The following VAV3 variants were observed in gnomAD, a reference collection of about 807,000 sequenced individuals.
VAV3 encodes vav guanine nucleotide exchange factor 3, also known as guanine nucleotide exchange factor VAV3.
A neutral mutation model predicts 131.2 loss-of-function variants in VAV3; 94 were observed. The ratio of observed to expected loss-of-function variants is 0.72; its 90% confidence interval spans 0.61 to 0.85. The LOEUF (loss-of-function observed/expected upper bound fraction) is 0.85. Among genes scored for constraint, VAV3 ranks in the 40% least tolerant of loss-of-function variants. VAV3 has a pLI of 0.00. For synonymous variants in VAV3, 349 were observed against 342.0 expected (o/e 1.02, Z -0.22); for missense variants, 939 against 1,002.7 (o/e 0.94, Z 0.86).
chr1:107,763,600 G>A (rs1263920383), intron 9 of VAV3, among the ~76,000 whole-genome samples: 2 of 152,324 alleles, frequency 1.3e-5, no homozygotes, highest in African/African-American at 2.4e-5. Context: ...TCTGCAAAGA[G>A]GAGCAGGAAG....
At position 107,749,458 on chromosome 1, in the gene VAV3, T is replaced by G. The variant is rs752369683; in HGVS notation, c.1392+4A>C. ...ATTACAGTTATTAGTTTCCAAAAAGTCACCTTTTTGTTTTCTTTATCGGTT... is the reference window on the plus strand; with the variant it reads ...ATTACAGTTATTAGTTTCCAAAAAGGCACCTTTTTGTTTTCTTTATCGGTT... On this transcript the variant is annotated splice_donor_region_variant and intron_variant, in intron 14 of 26. Coordinates refer to ENST00000370056, the MANE Select transcript of VAV3 (RefSeq NM_006113.5). The G allele has an allele frequency of 1.3e-6, 2 of 1,585,944 alleles. No homozygotes were observed. Among genetic ancestry groups the G allele is most frequent in the South Asian group, 2.4e-5 (2 of 85,104 alleles).
intron 19 of VAV3, among the ~76,000 whole-genome samples, chr1:107,645,978 A>G (rs1655710887): frequency 6.6e-6 from 1 of 152,058 alleles, no homozygotes; most frequent in South Asian, 2.1e-4. Context: ...AAAAATCTCT[A>G]CGTAACTTCT....
rs527862128 is a variant in VAV3 at position 107,596,433 on chromosome 1, C to T, written c.2221-92G>A. 5.1e-6 allele frequency: 7 copies of T among 1,381,510 alleles called. No homozygotes were observed. In the Admixed American group the frequency reaches 1.5e-4, roughly 30 times the overall value. 85.6% of individuals were successfully genotyped at this position (1,381,510 alleles called of 1,614,324 possible). The stretch of plus-strand genomic sequence containing the variant: ...GAGCACATAAATACAATAAGGATGA[C>T]CAATTTAATGCTAAATTTTCCATAG... On this transcript the variant is annotated intron_variant, in intron 24 of 26. Coordinates refer to ENST00000370056, the MANE Select transcript of VAV3 (RefSeq NM_006113.5).
chr1:107,903,814 A>T (rs1671982030), intron 1 of VAV3, among the ~76,000 whole-genome samples: 1 of 152,166 alleles, frequency 6.6e-6, no homozygotes, highest in Non-Finnish European at 1.5e-5. Flanking sequence ...CATTTGTGTA[A>T]ATAAATTAAT....
At chr1:107,812,637 C>T (rs1052981927) in intron 2 of VAV3, among the ~76,000 whole-genome samples, 7 of 152,234 alleles carry the variant, frequency 4.6e-5, no homozygotes, top group Admixed American at 2.6e-4. Flanking sequence ...TGTTAAATCA[C>T]GTTGCAAAAT....
intron 25 of VAV3, among the ~76,000 whole-genome samples, chr1:107,586,166 G>T (rs1650475168): frequency 6.9e-6 from 1 of 145,236 alleles, no homozygotes; most frequent in Admixed American, 6.9e-5. Context: ...TTCCCAGAGC[G>T]CTCAGTAACG....
In VAV3 at chr1:107,959,271, AAATT is replaced by A. The variant is rs936137011; in HGVS notation, c.204+5391_204+5394del. Among the ~76,000 whole-genome samples the A allele has an allele frequency of 6.1e-4, 77 of 126,144 alleles. No homozygotes were observed. The East Asian group carries it at 9.9e-3, about 16-fold the overall frequency. 82.8% of individuals were successfully genotyped at this position (126,144 alleles called of 152,430 possible). On this transcript the variant is annotated intron_variant, in intron 1 of 26. Coordinates refer to ENST00000370056, the MANE Select transcript of VAV3 (RefSeq NM_006113.5). Reference sequence around the variant, plus strand: ...GCAAGACTCTGTCTAAAAAATAAATAAATTAATTAATTAATTAATTAACCCATAT... The same window carrying A: ...GCAAGACTCTGTCTAAAAAATAAATAAATTAATTAATTAATTAACCCATAT...
chr1:107,627,807 A>G lies in VAV3; in HGVS notation c.1915-10175T>C, dbSNP rs575489007. The stretch of plus-strand genomic sequence containing the variant: ...GAAAAAATACTTTAATGGTCTTTCA[A>G]ATGACATCATAAAGTATAATTTAAT... On this transcript the variant is annotated intron_variant, in intron 20 of 26. Coordinates refer to ENST00000370056, the MANE Select transcript of VAV3 (RefSeq NM_006113.5). Among the ~76,000 whole-genome samples the G allele has an allele frequency of 9.3e-4, 142 of 152,338 alleles. 1 individual carries two copies. The Middle Eastern group carries it at 0.014, about 15-fold the overall frequency.
chr1:107,831,878 G>A (rs1028087022), intron 2 of VAV3, among the ~76,000 whole-genome samples: 3 of 152,204 alleles, frequency 2.0e-5, no homozygotes, highest in Non-Finnish European at 2.9e-5. Context: ...GTTCTGCTGA[G>A]ATTAGGTATG....
intron 15 of VAV3, among the ~76,000 whole-genome samples, chr1:107,708,156 G>A (rs1483007471): frequency 6.6e-6 from 1 of 152,092 alleles, no homozygotes; most frequent in Non-Finnish European, 1.5e-5. Flanking sequence ...AAGGAAAGAA[G>A]TGAGATTTTA....
intron 2 of VAV3, among the ~76,000 whole-genome samples, 168 bp downstream of exon 2, chr1:107,874,733 G>GTTA (rs1264972609): frequency 1.3e-5 from 2 of 151,620 alleles, no homozygotes; most frequent in African/African-American, 2.4e-5. Context: ...TTTCTTTTTT[G>GTTA]TTGTTGTTTT....
intron 1 of VAV3, among the ~76,000 whole-genome samples, chr1:107,950,496 G>T (rs1190042299): frequency 1.3e-5 from 2 of 152,116 alleles, no homozygotes; most frequent in Non-Finnish European, 2.9e-5. Flanking sequence ...CATGACCAGG[G>T]GAATGACAGA....
chr1:107,612,429 A>G (rs568931946), intron 21 of VAV3, among the ~76,000 whole-genome samples: 1 of 152,154 alleles, frequency 6.6e-6, no homozygotes, highest in South Asian at 2.1e-4. Context: ...TACAATCTCT[A>G]CTTGGTTCTT....
chr1:107,883,443 G>A (rs527428959), intron 1 of VAV3, among the ~76,000 whole-genome samples: 2 of 152,242 alleles, frequency 1.3e-5, no homozygotes, highest in South Asian at 4.1e-4. Flanking sequence ...TCCTGATGCA[G>A]TTTATCTCTA....
At chr1:107,600,657 T>C (rs554532138) in intron 24 of VAV3, among the ~76,000 whole-genome samples, 2 of 152,206 alleles carry the variant, frequency 1.3e-5, no homozygotes, top group Non-Finnish European at 2.9e-5. Flanking sequence ...TGGGTCTCTA[T>C]TGCTTTCACT....
intron 19 of VAV3, chr1:107,669,277 T>C (rs1373764423): frequency 1.6e-6 from 2 of 1,276,406 alleles, no homozygotes; most frequent in East Asian, 5.6e-5. Context: ...TATCCTTCGC[T>C]GTGTAAGTGG....
At chr1:107,692,440 G>T (rs1172504769) in intron 17 of VAV3, among the ~76,000 whole-genome samples, 1 of 151,990 alleles carries the variant, frequency 6.6e-6, no homozygotes, top group African/African-American at 2.4e-5. Flanking sequence ...GTATAAAATT[G>T]TCTTTATGAG....
intron 17 of VAV3, among the ~76,000 whole-genome samples, chr1:107,694,833 C>A (rs1444926220): frequency 6.6e-6 from 1 of 152,130 alleles, no homozygotes; most frequent in East Asian, 1.9e-4. Context: ...AGGTATGGTT[C>A]CTATCATTGA....
intron 20 of VAV3, among the ~76,000 whole-genome samples, chr1:107,630,309 G>A (rs1370377519): frequency 6.6e-6 from 1 of 151,490 alleles, no homozygotes; most frequent in Non-Finnish European, 1.5e-5. Flanking sequence ...GTATATGAAT[G>A]GATGAATGGT....
Sources: allele counts gnomAD v4.1 joint callset (sites outside exome capture counted in the v4.1 genomes callset), GRCh38; gene constraint gnomAD v4.1.1; transcripts MANE v1.5; gene names NCBI Gene and HGNC (gene_info 2026-07-23, HGNC 2026-07-21).